Variants in DLG2 observed in about 807,000 individuals in gnomAD.
DLG2 encodes the protein disks large homolog 2.
In DLG2, 45 loss-of-function variants were observed where a neutral mutation model predicts 132.5. That is an observed-to-expected ratio of 0.34 (90% confidence interval 0.27 to 0.44). The LOEUF (loss-of-function observed/expected upper bound fraction) is 0.44. Ranked by LOEUF, DLG2 falls within the 20% of genes least tolerant of loss-of-function variation. The probability of loss-of-function intolerance (pLI) is 1.00; values close to 1 mark genes in which losing one functional copy is unlikely to be tolerated. For missense variants in DLG2, 1,045 were observed against 1,196.9 expected, an observed-to-expected ratio of 0.87 and a Z score of 1.87; for synonymous variants, 424 against 419.6, an observed-to-expected ratio of 1.01 and a Z score of -0.13.
intron 18 of DLG2, among the ~76,000 whole-genome samples, chr11:83,734,063 G>T (rs938702061): frequency 1.3e-5 from 2 of 151,968 alleles, no homozygotes; most frequent in Non-Finnish European, 2.9e-5. Context: ...ATGGCTTCCA[G>T]TTGCAACCAT....
intron 6 of DLG2, among the ~76,000 whole-genome samples, chr11:84,756,573 C>T (rs1268576694): frequency 6.6e-6 from 1 of 152,064 alleles, no homozygotes; most frequent in Non-Finnish European, 1.5e-5. Context: ...TTCCACTTAC[C>T]TTAGAAGGTT....
chr11:84,688,214 A>G (rs1441632779), intron 6 of DLG2, among the ~76,000 whole-genome samples: 1 of 152,216 alleles, frequency 6.6e-6, no homozygotes, highest in African/African-American at 2.4e-5. Context: ...AGAGCCTAAT[A>G]TAAAGGCCTC....
intron 6 of DLG2, among the ~76,000 whole-genome samples, chr11:84,542,060 G>C (rs1591952038): frequency 6.6e-6 from 1 of 152,176 alleles, no homozygotes; most frequent in Middle Eastern, 3.4e-3. Context: ...AAAAATCTGA[G>C]TTTACCTCTG....
At chr11:84,430,920 TGA>T (rs1431554738) in intron 7 of DLG2, among the ~76,000 whole-genome samples, 15 of 152,176 alleles carry the variant, frequency 9.9e-5, no homozygotes, top group Admixed American at 9.8e-4. Flanking sequence ...TGAGGAGCTT[TGA>T]GAGACTCACA....
chr11:83,751,429 A>G (rs1345231363), intron 18 of DLG2, among the ~76,000 whole-genome samples: 1 of 152,226 alleles, frequency 6.6e-6, no homozygotes, highest in Non-Finnish European at 1.5e-5. Flanking sequence ...GAGTAGAAGA[A>G]TAAGATAATC....
chr11:85,100,438 G>T (rs1197649520), intron 6 of DLG2, among the ~76,000 whole-genome samples: 1 of 152,138 alleles, frequency 6.6e-6, no homozygotes, highest in Non-Finnish European at 1.5e-5. Context: ...AAGAGATATT[G>T]AAAGGTCATA....
chr11:85,121,299 T>A (rs2074282416), intron 5 of DLG2, among the ~76,000 whole-genome samples: 1 of 151,752 alleles, frequency 6.6e-6, no homozygotes, highest in Non-Finnish European at 1.5e-5. Context: ...TTTTTAATTT[T>A]CTATTGCACA....
chr11:85,257,723 T>C (rs534679845), intron 4 of DLG2, among the ~76,000 whole-genome samples: 2 of 152,364 alleles, frequency 1.3e-5, no homozygotes, highest in Admixed American at 6.5e-5. Context: ...TTATCCTATG[T>C]AATACAATGA....
In DLG2 at chr11:83,521,503, A is replaced by C. The variant is rs1407398588; in HGVS notation, c.2193+11205T>G. Among the ~76,000 whole-genome samples, 3 of 152,208 alleles carry C rather than the reference A, an allele frequency of 2.0e-5. No homozygotes were observed. In the East Asian group the frequency reaches 5.8e-4, roughly 29 times the overall value. ...TCTGATAACACGTAGCAATTACTTA[A>C]TGCTGCAGACTTGATTTACCAGGTA... On this transcript the variant is annotated intron_variant, in intron 21 of 27. Transcript: ENST00000376104.
At chr11:84,350,175 C>T (rs1310273687) in intron 7 of DLG2, among the ~76,000 whole-genome samples, 1 of 121,776 alleles carries the variant, frequency 8.2e-6, no homozygotes, top group Non-Finnish European at 1.8e-5. Flanking sequence ...GAGACTTCGT[C>T]CCCCCCCCCA....
chr11:85,617,363 T>C (rs968832916), intron 2 of DLG2, among the ~76,000 whole-genome samples: 1 of 152,264 alleles, frequency 6.6e-6, no homozygotes, highest in Admixed American at 6.5e-5. Context: ...TCATCTTCTG[T>C]ATCTCATCTT....
chr11:85,109,413 T>C (rs2072341927), intron 6 of DLG2, among the ~76,000 whole-genome samples: 1 of 152,100 alleles, frequency 6.6e-6, no homozygotes, highest in Non-Finnish European at 1.5e-5. Flanking sequence ...CTTGTGATCT[T>C]CAGGAAGAGT....
intron 19 of DLG2, among the ~76,000 whole-genome samples, chr11:83,595,456 A>G (rs1246193803): frequency 6.6e-6 from 1 of 152,362 alleles, no homozygotes; most frequent in East Asian, 1.9e-4. Context: ...TTAAGAATCC[A>G]TCTAAGGAAC....
intron 18 of DLG2, among the ~76,000 whole-genome samples, chr11:83,721,651 G>A (rs748329155): frequency 3.9e-5 from 6 of 152,208 alleles, no homozygotes; most frequent in Non-Finnish European, 7.3e-5. Context: ...AATGAGGAAA[G>A]CACAGCAAGA....
At chr11:84,047,593 T>C (rs530456306) in intron 11 of DLG2, among the ~76,000 whole-genome samples, 1 of 151,808 alleles carries the variant, frequency 6.6e-6, no homozygotes. Context: ...GATAAAACTT[T>C]AAATGTTGAA....
At chr11:83,748,802 T>G (rs1320437075) in intron 18 of DLG2, among the ~76,000 whole-genome samples, 1 of 152,236 alleles carries the variant, frequency 6.6e-6, no homozygotes, top group Non-Finnish European at 1.5e-5. Context: ...ATTTTTCACT[T>G]TAGCTCCAAA....
At chr11:85,546,353 G>A (rs1268227491) in intron 3 of DLG2, among the ~76,000 whole-genome samples, 1 of 152,206 alleles carries the variant, frequency 6.6e-6, no homozygotes, top group Admixed American at 6.5e-5. Context: ...TGTGGTCTGA[G>A]AGACTGTTTG....
At chr11:84,473,918 A>G (rs889513323) in intron 7 of DLG2, among the ~76,000 whole-genome samples, 11 of 152,096 alleles carry the variant, frequency 7.2e-5, no homozygotes, top group Admixed American at 6.6e-4. Context: ...ATATCTAGGT[A>G]AAACTCATTT....
chr11:84,078,182 G>A (rs1457209997), intron 10 of DLG2, among the ~76,000 whole-genome samples: 1 of 152,108 alleles, frequency 6.6e-6, no homozygotes, highest in South Asian at 2.1e-4. Flanking sequence ...AAAGTTAAGA[G>A]TAAGACAAGA....
Sources: allele counts gnomAD v4.1 joint callset (sites outside exome capture counted in the v4.1 genomes callset), GRCh38; gene constraint gnomAD v4.1.1; transcripts MANE v1.5; gene names NCBI Gene and HGNC (gene_info 2026-07-23, HGNC 2026-07-21).